The following DHX40 variants were observed in gnomAD, a reference collection of about 807,000 sequenced individuals.
The protein encoded by DHX40 is DEAH-box helicase 40.
A neutral mutation model predicts 89.6 loss-of-function variants in DHX40; 28 were observed. The observed-to-expected ratio is 0.31, with a 90% confidence interval of 0.23 to 0.43. The LOEUF is 0.43. DHX40 is among the 20% of genes least tolerant of loss of function. The pLI is 1.00. For synonymous variants in DHX40, 226 were observed against 283.6 expected (o/e 0.80, Z 2.04); for missense variants, 457 against 844.0 (o/e 0.54, Z 5.68).
At chr17:59,597,703 G>T (rs1299331022) in intron 12 of DHX40, among the ~76,000 whole-genome samples, 1 of 150,522 alleles carries the variant, frequency 6.6e-6, no homozygotes, top group Non-Finnish European at 1.5e-5. Context: ...TTGGGAGGCC[G>T]AGACGGGCAG....
At chr17:59,596,716 T>C (rs2030106515) in intron 12 of DHX40, among the ~76,000 whole-genome samples, 1 of 152,234 alleles carries the variant, frequency 6.6e-6, no homozygotes, top group Non-Finnish European at 1.5e-5. Flanking sequence ...TGTCTCTAGC[T>C]GCTTCATTCA....
At chr17:59,587,626 T>C (rs1168595607) in intron 11 of DHX40, among the ~76,000 whole-genome samples, 1 of 151,804 alleles carries the variant, frequency 6.6e-6, no homozygotes, top group Non-Finnish European at 1.5e-5. Flanking sequence ...CCCAGCTAAT[T>C]TTTGTGTTTT....
intron 14 of DHX40, among the ~76,000 whole-genome samples, chr17:59,601,939 T>C (rs2030553008): frequency 6.6e-6 from 1 of 152,258 alleles, no homozygotes; most frequent in African/African-American, 2.4e-5. Context: ...TATTCTCATG[T>C]GGCTTATAGG....
At chr17:59,573,684 A>AAT (rs1218361764) in intron 4 of DHX40, 56 bp from the exon 5 acceptor site, 26 of 1,559,208 alleles carry the variant, frequency 1.7e-5, no homozygotes, top group Middle Eastern at 3.4e-4. Flanking sequence ...GTGTATCTAA[A>AAT]ATAGTTTGGC....
chr17:59,566,852 G>A, intron 2 of DHX40, 58 bp downstream of exon 2: 1 of 1,452,536 alleles, frequency 6.9e-7, no homozygotes, highest in Non-Finnish European at 9.2e-7. Context: ...CTTTTTAAAG[G>A]CCAGTAGGAC....
intron 15 of DHX40, chr17:59,604,449 A>T (rs1598181751): frequency 6.6e-6 from 1 of 152,212 alleles, no homozygotes; most frequent in East Asian, 1.9e-4. Flanking sequence ...CCTGAGTCTA[A>T]TGGAGGGTAC....
intron 17 of DHX40, among the ~76,000 whole-genome samples, chr17:59,606,622 T>G (rs970270888): frequency 6.6e-6 from 1 of 151,740 alleles, no homozygotes; most frequent in Non-Finnish European, 1.5e-5. Flanking sequence ...GGCGGGCGCC[T>G]GTAGTCCCAG....
At chr17:59,588,663 C>T (rs952342647) in intron 12 of DHX40, among the ~76,000 whole-genome samples, 16 of 151,912 alleles carry the variant, frequency 1.1e-4, no homozygotes, top group Admixed American at 7.2e-4. Context: ...GAGGTCTTTG[C>T]ATATTTTAAA....
At chr17:59,605,962 A>C (rs565499748) in intron 17 of DHX40, among the ~76,000 whole-genome samples, 2 of 151,832 alleles carry the variant, frequency 1.3e-5, no homozygotes, top group Non-Finnish European at 2.9e-5. Context: ...GTGAGACACT[A>C]TCTCTAAAAA....
chr17:59,600,967 T>G (rs1448646320), intron 14 of DHX40, among the ~76,000 whole-genome samples: 4 of 151,462 alleles, frequency 2.6e-5, no homozygotes, highest in Non-Finnish European at 5.9e-5. Flanking sequence ...CTTTTTTTTA[T>G]CATCCCATAC....
intron 3 of DHX40, among the ~76,000 whole-genome samples, chr17:59,572,122 T>C (rs575262408): frequency 2.0e-5 from 3 of 152,330 alleles, no homozygotes; most frequent in East Asian, 3.9e-4. Flanking sequence ...AAATTTTCTT[T>C]TTAATAGTGA....
intron 12 of DHX40, among the ~76,000 whole-genome samples, 177 bp downstream of exon 12, chr17:59,588,230 A>C (rs571877024): frequency 3.9e-4 from 55 of 142,178 alleles, no homozygotes; most frequent in Non-Finnish European, 6.2e-4. Context: ...AAAAAAAAAA[A>C]AAAAAAAAAA....
intron 12 of DHX40, among the ~76,000 whole-genome samples, chr17:59,590,197 A>C (rs1217856018): frequency 6.8e-6 from 1 of 147,090 alleles, no homozygotes. Context: ...TCAGTATAGG[A>C]CACAATTTAA....
chr17:59,569,165 C>T (rs1261679255), intron 2 of DHX40, among the ~76,000 whole-genome samples: 1 of 152,010 alleles, frequency 6.6e-6, no homozygotes, highest in Admixed American at 6.6e-5. Context: ...CCCATCTCTA[C>T]TAAAAATACA....
intron 10 of DHX40, among the ~76,000 whole-genome samples, chr17:59,582,362 A>G (rs2048956201): frequency 1.6e-5 from 2 of 124,778 alleles, no homozygotes; most frequent in Non-Finnish European, 3.2e-5. Context: ...TGTTTGGGGT[A>G]GATGGTATAG....
intron 11 of DHX40, 113 bp downstream of exon 11, chr17:59,586,346 T>C (rs2048996742): frequency 1.1e-6 from 1 of 945,392 alleles, no homozygotes; most frequent in South Asian, 1.6e-5. Flanking sequence ...TTGAATGGAT[T>C]GTTAGTCTTT....
intron 17 of DHX40, among the ~76,000 whole-genome samples, chr17:59,606,745 CAAA>C (rs777660578): frequency 8.7e-5 from 5 of 57,522 alleles, no homozygotes; most frequent in Admixed American, 2.0e-4. Context: ...GACTCCGTCT[CAAA>C]AAAAAAAAAA....
intron 12 of DHX40, among the ~76,000 whole-genome samples, 179 bp downstream of exon 12, chr17:59,588,232 A>AAAC (rs1567880367): frequency 4.7e-5 from 7 of 148,084 alleles, no homozygotes; most frequent in African/African-American, 1.3e-4. Context: ...AAAAAAAAAA[A>AAAC]AAAAAAAAAC....
At chr17:59,568,075 T>C (rs540362351) in intron 2 of DHX40, among the ~76,000 whole-genome samples, 1 of 147,402 alleles carries the variant, frequency 6.8e-6, no homozygotes, top group African/African-American at 2.5e-5. Flanking sequence ...ATACTAAAAA[T>C]ACAAAAATTA....
Sources: allele counts gnomAD v4.1 joint callset (sites outside exome capture counted in the v4.1 genomes callset), GRCh38; gene constraint gnomAD v4.1.1; transcripts MANE v1.5; gene names NCBI Gene and HGNC (gene_info 2026-07-23, HGNC 2026-07-21).